Variants in BTBD1 observed in about 807,000 individuals in gnomAD.
BTBD1 encodes the protein BTB domain containing 1, also known as BTB/POZ domain-containing protein 1.
Under a neutral mutation model 48.0 loss-of-function variants are expected in BTBD1, and 34 were observed. The ratio of observed to expected loss-of-function variants is 0.71; its 90% CI spans 0.54 to 0.94. The LOEUF (loss-of-function observed/expected upper bound fraction) is 0.94. Ranked by LOEUF, BTBD1 falls within the 40% of genes least tolerant of loss-of-function variation. The probability of loss-of-function intolerance (pLI) is 0.00; values close to 1 mark genes in which losing one functional copy is unlikely to be tolerated. For missense variants in BTBD1, 543 were observed against 625.6 expected (o/e 0.87, Z 1.41); for synonymous variants, 261 against 242.1 (o/e 1.08, Z -0.72).
In BTBD1 at chr15:83,030,181, T is replaced by C. The variant is rs748363363; in HGVS notation, c.1010A>G (p.Gln337Arg). The change falls in exon 5 of 8, where the codon CAA becomes CGA. Residue 337 changes from glutamine (Q) to arginine (R), a missense_variant. By Grantham distance (43) the Gln-to-Arg change is conservative. Coordinates refer to ENST00000261721, the MANE Select transcript of BTBD1 (RefSeq NM_025238.4). The stretch of plus-strand genomic sequence containing the variant: ...ACTGTAACCCCAGCGGCTTTCTACT[T>C]GCTGGAATCTATTGATGCAGCATTC... ...GKECCINRFQ[Q>R]VESRWGYSGT... 6.2e-7 allele frequency: 1 copy of C among 1,614,112 alleles called. No individual in the cohort carries two copies. Among genetic ancestry groups the C allele is most frequent in the Non-Finnish European group, 8.5e-7 (1 of 1,180,028 alleles).
intron 2 of BTBD1, among the ~76,000 whole-genome samples, chr15:83,051,529 T>C (rs897827416): frequency 4.0e-5 from 6 of 150,374 alleles, no homozygotes; most frequent in Non-Finnish European, 7.4e-5. Flanking sequence ...AAAATATGTA[T>C]AGAATACTCG....
chr15:83,021,918 T>C (rs762916221), intron 5 of BTBD1, among the ~76,000 whole-genome samples: 2 of 152,184 alleles, frequency 1.3e-5, no homozygotes, highest in Non-Finnish European at 2.9e-5. Flanking sequence ...TACTTCCTAG[T>C]GTGCCAGGCA....
At chr15:83,052,477 TA>T (rs1209529651) in intron 2 of BTBD1, among the ~76,000 whole-genome samples, 2 of 152,178 alleles carry the variant, frequency 1.3e-5, no homozygotes, top group Non-Finnish European at 2.9e-5. Context: ...TATCTTTACC[TA>T]ATCCACTGGC....
chr15:83,038,637 T>G (rs2032676975), intron 4 of BTBD1, among the ~76,000 whole-genome samples: 1 of 151,922 alleles, frequency 6.6e-6, no homozygotes, highest in South Asian at 2.1e-4. Flanking sequence ...ACATTACCAC[T>G]GGATTTCAAA....
intron 4 of BTBD1, among the ~76,000 whole-genome samples, chr15:83,040,720 A>AC (rs2032737541): frequency 6.6e-6 from 1 of 151,638 alleles, no homozygotes; most frequent in Non-Finnish European, 1.5e-5. Flanking sequence ...AAAAAAAAAA[A>AC]ACCATGAGAC....
chr15:83,033,087 C>G (rs984678131), intron 4 of BTBD1, among the ~76,000 whole-genome samples: 1 of 151,848 alleles, frequency 6.6e-6, no homozygotes, highest in Non-Finnish European at 1.5e-5. Flanking sequence ...AAGCTGGGCT[C>G]AGCAGTGTGC....
chr15:83,054,744 T>G (rs1454129660), intron 2 of BTBD1, among the ~76,000 whole-genome samples: 3 of 152,084 alleles, frequency 2.0e-5, no homozygotes, highest in African/African-American at 4.8e-5. Context: ...GTATTTTTAG[T>G]AGAGACGGGG....
At chr15:83,037,645 T>C (rs575008051) in intron 4 of BTBD1, among the ~76,000 whole-genome samples, 1 of 152,278 alleles carries the variant, frequency 6.6e-6, no homozygotes, top group South Asian at 2.1e-4. Flanking sequence ...GGATGCTCAC[T>C]CTAACCACTC....
chr15:83,051,889 C>CACACACACACACAG (rs2032992901), intron 2 of BTBD1, among the ~76,000 whole-genome samples: 1 of 151,418 alleles, frequency 6.6e-6, no homozygotes, highest in South Asian at 2.1e-4. Context: ...CACACACACA[C>CACACACACACACAG]ACACACACAC....
intron 3 of BTBD1, among the ~76,000 whole-genome samples, chr15:83,048,222 G>A (rs533782496): frequency 6.6e-6 from 1 of 152,290 alleles, no homozygotes; most frequent in East Asian, 1.9e-4. Flanking sequence ...TCAGGTTCAT[G>A]GTGGTGTTGT....
At chr15:83,036,931 A>G (rs66619192) in intron 4 of BTBD1, among the ~76,000 whole-genome samples, 29,234 of 152,132 alleles carry the variant, frequency 0.19, 3,007 homozygotes, top group Non-Finnish European at 0.22. Context: ...GAGGGTCATG[A>G]CAAAGGCTTC....
intron 3 of BTBD1, among the ~76,000 whole-genome samples, chr15:83,042,348 T>TTTTATATATATATATATATA (rs773923340): frequency 9.1e-6 from 1 of 109,892 alleles, no homozygotes; most frequent in African/African-American, 3.7e-5. Context: ...TTAGGCAATT[T>TTTTATATATATATATATATA]TATATATATA....
intron 4 of BTBD1, among the ~76,000 whole-genome samples, chr15:83,031,698 A>AGCAT (rs1336837696): frequency 6.6e-6 from 1 of 152,194 alleles, no homozygotes; most frequent in Non-Finnish European, 1.5e-5. Flanking sequence ...TAATGGGTGT[A>AGCAT]GCATACTAAC....
intron 4 of BTBD1, among the ~76,000 whole-genome samples, chr15:83,033,804 C>T (rs1295044145): frequency 1.3e-5 from 2 of 151,876 alleles, no homozygotes; most frequent in African/African-American, 2.4e-5. Flanking sequence ...TGGTCTTGAA[C>T]TCGACTCAAA....
At chr15:83,047,744 C>G (rs1384681901) in intron 3 of BTBD1, among the ~76,000 whole-genome samples, 1 of 152,166 alleles carries the variant, frequency 6.6e-6, no homozygotes, top group African/African-American at 2.4e-5. Context: ...CTCCCTTGGT[C>G]TGTTATATGA....
chr15:83,021,852 T>C (rs2032306586), intron 5 of BTBD1, among the ~76,000 whole-genome samples: 1 of 152,092 alleles, frequency 6.6e-6, no homozygotes, highest in South Asian at 2.1e-4. Flanking sequence ...CTCTCAACAT[T>C]GTCAGCAACA....
intron 4 of BTBD1, among the ~76,000 whole-genome samples, chr15:83,031,622 C>G (rs769405017): frequency 3.9e-5 from 6 of 152,120 alleles, no homozygotes; most frequent in Non-Finnish European, 8.8e-5. Context: ...ATACCGGGGC[C>G]TGCTGTGGGG....
chr15:83,066,697 A>AGCCCGGCCCGGCCCG (rs66531444), intron 1 of BTBD1, 54 bp downstream of exon 1: 50 of 1,252,202 alleles, frequency 4.0e-5, no homozygotes, highest in Admixed American at 1.3e-4. Flanking sequence ...GGGATCTCCC[A>AGCCCGGCCCGGCCCG]GCCCGGCCCG....
At chr15:83,061,060 C>A (rs2033168378) in intron 1 of BTBD1, among the ~76,000 whole-genome samples, 2 of 152,186 alleles carry the variant, frequency 1.3e-5, no homozygotes. Context: ...CTAAGAAAGG[C>A]ATTGTTCGGC....
Sources: gnomAD v4.1 joint callset for allele counts (sites outside exome capture counted in the v4.1 genomes callset) on GRCh38, gnomAD v4.1.1 for gene constraint, MANE v1.5 for transcripts, NCBI Gene and HGNC (gene_info 2026-07-23, HGNC 2026-07-21) for gene names.